AKAP3: variants seen among roughly 807,000 people sequenced by gnomAD.
The protein encoded by AKAP3 is A-kinase anchoring protein 3, also known as A-kinase anchor protein 3.
Under a neutral mutation model 57.2 loss-of-function variants are expected in AKAP3, and 27 were observed. The observed-to-expected ratio is 0.47, with a 90% CI of 0.35 to 0.65. The LOEUF (loss-of-function observed/expected upper bound fraction) is 0.65, where lower values mean the gene tolerates loss of function less well. AKAP3 is among the 30% of genes least tolerant of loss of function. The probability of loss-of-function intolerance (pLI) is 0.01; values close to 1 mark genes in which losing one functional copy is unlikely to be tolerated. For missense variants in AKAP3, 959 were observed against 1,040.0 expected (o/e 0.92, Z 1.07); for synonymous variants, 334 against 392.3 (o/e 0.85, Z 1.76).
intron 4 of AKAP3, chr12:4,636,038 CA>C: frequency 6.7e-7 from 1 of 1,498,048 alleles, no homozygotes; most frequent in Non-Finnish European, 9.2e-7. Context: ...GGGCCTTTCA[CA>C]AAACGAAGCA....
chr12:4,615,975 A>C, intron 5 of AKAP3, 81 bp from the exon 6 acceptor site: 1 of 1,556,224 alleles, frequency 6.4e-7, no homozygotes, highest in Non-Finnish European at 8.8e-7. Context: ...GCTGGAGCAG[A>C]GAGGCCAGGC....
At chr12:4,646,630 C>T (rs1018948191) in intron 1 of AKAP3, among the ~76,000 whole-genome samples, 2 of 151,756 alleles carry the variant, frequency 1.3e-5, no homozygotes, top group Non-Finnish European at 2.9e-5. Context: ...AGAGATAGCA[C>T]CATTGCACTC....
intron 5 of AKAP3, among the ~76,000 whole-genome samples, chr12:4,623,743 C>A (rs1453309959): frequency 6.6e-6 from 1 of 151,890 alleles, no homozygotes. Flanking sequence ...TACCCCTGAA[C>A]CTAAAATAAG....
At chr12:4,626,431 C>G (rs775172083) in intron 5 of AKAP3, 65 bp downstream of exon 5, 6 of 1,529,432 alleles carry the variant, frequency 3.9e-6, no homozygotes, top group Non-Finnish European at 5.3e-6. Flanking sequence ...CAGAAAGAAA[C>G]CAGAACTTAA....
intron 5 of AKAP3, among the ~76,000 whole-genome samples, chr12:4,619,449 C>G (rs529400957): frequency 2.0e-5 from 3 of 151,618 alleles, no homozygotes; most frequent in African/African-American, 7.3e-5. Flanking sequence ...CCCAGCTACT[C>G]GGGAGGCTGA....
chr12:4,634,625 T>C (rs1282503160), intron 4 of AKAP3, among the ~76,000 whole-genome samples: 1 of 152,212 alleles, frequency 6.6e-6, no homozygotes, highest in Non-Finnish European at 1.5e-5. Flanking sequence ...TATTTCATTT[T>C]TGTTAAAGAA....
At chr12:4,642,742 T>A (rs1945652588) in intron 2 of AKAP3, among the ~76,000 whole-genome samples, 1 of 152,256 alleles carries the variant, frequency 6.6e-6, no homozygotes, top group Admixed American at 6.5e-5. Context: ...TTCATTTTCT[T>A]TACTGGATGA....
At position 4,628,497 on chromosome 12, in the gene AKAP3, G is replaced by T; in HGVS notation, c.405C>A (p.Val135=). The change falls in exon 5 of 6, where the codon GTC becomes GTA. Residue 135 remains valine, a synonymous_variant. Coordinates refer to ENST00000228850, the MANE Select transcript of AKAP3 (RefSeq NM_001278309.2). ...TGATCTCTTTGCGGGCCATGGCTAT[G>T]ACTAGATTCGTGAGGCGGTTAGCAT... is the stretch of plus-strand genomic sequence containing the variant. ...SFYANRLTNL[V]IAMARKEINE... 1 of 1,614,182 alleles carries T rather than the reference G, an allele frequency of 6.2e-7. No homozygotes were observed. The highest frequency in any genetic ancestry group is 1.1e-5 in the South Asian group (1 of 91,034).
At chr12:4,638,471 T>C (rs902528003) in intron 3 of AKAP3, among the ~76,000 whole-genome samples, 1 of 152,138 alleles carries the variant, frequency 6.6e-6, no homozygotes, top group Non-Finnish European at 1.5e-5. Context: ...GTTAAATGAA[T>C]GAACCTAGGC....
chr12:4,645,235 T>C (rs1945684750), intron 1 of AKAP3, 43 bp from the exon 2 acceptor site: 1 of 152,238 alleles, frequency 6.6e-6, no homozygotes, highest in Non-Finnish European at 1.5e-5. Context: ...TATCACTGTC[T>C]CTATAGCAAC....
chr12:4,627,578 C>A lies in AKAP3; in HGVS notation c.1324G>T (p.Glu442Ter). Residue 442 changes from glutamate to a stop codon, truncating the protein, a stop_gained, in exon 5 of 6, where the codon GAG (glutamate) becomes TAG (stop). Transcript: ENST00000228850. LOFTEE classifies it high-confidence loss of function. ...CCCAGAGTTTTCGCACAAGTCTCCT[C>A]CTCTGATTTGGGTTCAGAATACATT... The part of the protein sequence containing the change: ...EKMYSEPKSE[E>*]ETCAKTLGEH... 6.2e-7 allele frequency: 1 copy of A among 1,614,186 alleles called. No homozygotes were observed. The highest frequency in any genetic ancestry group is 1.1e-5 in the South Asian group (1 of 91,090).
intron 5 of AKAP3, among the ~76,000 whole-genome samples, chr12:4,624,556 T>A (rs1945387042): frequency 6.6e-6 from 1 of 152,128 alleles, no homozygotes; most frequent in Non-Finnish European, 1.5e-5. Flanking sequence ...GACATCGGGC[T>A]CACAGACATC....
In AKAP3 at chr12:4,626,744, C is replaced by G; in HGVS notation, c.2158G>C (p.Ala720Pro). ...FPDSLYECLP[A>P]KGTGSAEAVL... ...GCTTCTGCTGACCCTGTGCCCTTGG[C>G]TGGTAAGCACTCATATAAACTATCT... Residue 720 changes from alanine (A) to proline (P), a missense_variant, in exon 5 of 6, where the codon GCC becomes CCC. Coordinates refer to ENST00000228850, the MANE Select transcript of AKAP3 (RefSeq NM_001278309.2). 1 of 1,614,058 alleles carries G rather than the reference C, an allele frequency of 6.2e-7. No homozygotes were observed. Among genetic ancestry groups the G allele is most frequent in the East Asian group, 2.2e-5 (1 of 44,882 alleles).
chr12:4,627,586 T>G lies in AKAP3; in HGVS notation c.1316A>C (p.Lys439Thr), dbSNP rs1458993909. 6.2e-7 allele frequency: 1 copy of G among 1,614,142 alleles called. No individual in the cohort carries two copies. Among genetic ancestry groups the G allele is most frequent in the Non-Finnish European group, 8.5e-7 (1 of 1,180,030 alleles). The change falls in exon 5 of 6, where the codon AAA (lysine) becomes ACA (threonine). Residue 439 changes from lysine (K) to threonine (T), a missense_variant. Transcript: ENST00000228850. The part of the protein sequence containing the change: ...KLREKMYSEP[K>T]SEEETCAKTL... ...TTTCGCACAAGTCTCCTCCTCTGAT[T>G]TGGGTTCAGAATACATTTTTTCTCT...
At chr12:4,626,181 T>C (rs1049337363) in intron 5 of AKAP3, among the ~76,000 whole-genome samples, 3 of 152,170 alleles carry the variant, frequency 2.0e-5, no homozygotes, top group African/African-American at 7.2e-5. Flanking sequence ...TATCCAAAAC[T>C]CAGCCTAGAG....
At position 4,626,975 on chromosome 12, in the gene AKAP3, C is replaced by T. The variant is rs775230006; in HGVS notation, c.1927G>A (p.Asp643Asn). The T allele has an allele frequency of 6.2e-7, 1 of 1,614,150 alleles. No individual in the cohort carries two copies. The highest frequency in any genetic ancestry group is 2.2e-5 in the East Asian group (1 of 44,878). The part of the protein sequence containing the change: ...LASSPPRLYE[D>N]DETPGALSGL... ...GAAAGGGCACCAGGGGTCTCATCAT[C>T]CTCATATAGCCTGGGGGGAGAAGAC... Residue 643 changes from aspartate to asparagine, a missense_variant, in exon 5 of 6, where the codon GAT becomes AAT. Coordinates refer to ENST00000228850, the MANE Select transcript of AKAP3 (RefSeq NM_001278309.2).
At chr12:4,640,148 T>C (rs1176185984) in intron 3 of AKAP3, among the ~76,000 whole-genome samples, 2 of 152,174 alleles carry the variant, frequency 1.3e-5, no homozygotes, top group Admixed American at 6.5e-5. Context: ...CAGTCTATCA[T>C]TGATGGACAT....
At chr12:4,623,934 C>A (rs1242472601) in intron 5 of AKAP3, among the ~76,000 whole-genome samples, 11 of 152,100 alleles carry the variant, frequency 7.2e-5, no homozygotes, top group African/African-American at 2.7e-4. Flanking sequence ...AGTCCTCTTA[C>A]ACTGTTTTAA....
At position 4,648,856 on chromosome 12, in the gene AKAP3, G is replaced by T. The variant is rs764149990; in HGVS notation, c.-356C>A. 48 of 473,230 alleles carry T rather than the reference G, an allele frequency of 1.0e-4. No homozygotes were observed. The highest frequency in any genetic ancestry group is 2.3e-4 in the Admixed American group (6 of 26,286). 29.3% of individuals were successfully genotyped at this position (473,230 alleles called of 1,614,324 possible). A position where few individuals can be genotyped will look rare whatever the true frequency, so the allele number is the denominator to read the frequency against. On this transcript the variant is annotated 5_prime_UTR_variant, in exon 1 of 6. Transcript: ENST00000228850. ...TTTGCATGTCCTGAGTCAGTCACTGGTTAACTCTGAACTTCAGGTTCCTCG... is the reference window on the plus strand; with the variant it reads ...TTTGCATGTCCTGAGTCAGTCACTGTTTAACTCTGAACTTCAGGTTCCTCG...
Sources: gnomAD v4.1 joint callset for allele counts (sites outside exome capture counted in the v4.1 genomes callset) on GRCh38, gnomAD v4.1.1 for gene constraint, MANE v1.5 for transcripts, NCBI Gene and HGNC (gene_info 2026-07-23, HGNC 2026-07-21) for gene names.